Variants in ADAM32 observed in about 807,000 individuals in gnomAD.
ADAM32 encodes the protein ADAM metallopeptidase domain 32.
Under a neutral mutation model 114.9 loss-of-function variants are expected in ADAM32, and 89 were observed. That is an observed-to-expected ratio of 0.77 (90% confidence interval 0.65 to 0.92). ADAM32 has a LOEUF of 0.92. ADAM32 is among the 40% of genes least tolerant of loss of function. ADAM32 has a pLI of 0.00. For missense variants in ADAM32, 870 were observed against 932.8 expected (o/e 0.93, Z 0.88); for synonymous variants, 285 against 307.5 (o/e 0.93, Z 0.77).
Position 39,176,526 on chromosome 8 carries a change from T to C in ADAM32, c.915+6529T>C, listed in dbSNP as rs374003905. Among the ~76,000 whole-genome samples the C allele has an allele frequency of 2.4e-4, 37 of 152,362 alleles. 2 individuals carry two copies. The South Asian group carries it at 6.6e-3, about 27-fold the overall frequency. On this transcript the variant is annotated intron_variant, in intron 10 of 24. Transcript: ENST00000379907. ...TGAGTTTCTGAATTTTGAGTTCTAATTTGATTGTGCTGTGGTTTGAGAGAC... is the reference window on the plus strand; with the variant it reads ...TGAGTTTCTGAATTTTGAGTTCTAACTTGATTGTGCTGTGGTTTGAGAGAC...
chr8:39,260,052 ATC>A (rs1365826017), intron 19 of ADAM32, among the ~76,000 whole-genome samples: 1 of 152,196 alleles, frequency 6.6e-6, no homozygotes, highest in Non-Finnish European at 1.5e-5. Context: ...AGGTTCAATT[ATC>A]TTTTTTCCCT....
intron 6 of ADAM32, among the ~76,000 whole-genome samples, chr8:39,160,356 C>T (rs989266419): frequency 3.3e-5 from 5 of 152,028 alleles, no homozygotes; most frequent in Non-Finnish European, 5.9e-5. Context: ...CTGGCTAACA[C>T]AGTGAAACTC....
chr8:39,108,012 C>T, intron 1 of ADAM32, 179 bp downstream of exon 1: 2 of 807,090 alleles, frequency 2.5e-6, no homozygotes, highest in East Asian at 3.1e-5. Flanking sequence ...GGCCCAGCAC[C>T]AGGGCTCACG....
intron 15 of ADAM32, 126 bp from the exon 16 acceptor site, chr8:39,233,773 A>G (rs1185788499): frequency 6.8e-6 from 4 of 592,260 alleles, no homozygotes; most frequent in Non-Finnish European, 1.0e-5. Context: ...TGAAAACATT[A>G]ACGTTTTCTG....
intron 11 of ADAM32, among the ~76,000 whole-genome samples, chr8:39,188,962 T>C (rs2129447303): frequency 1.3e-5 from 2 of 152,270 alleles, no homozygotes; most frequent in Middle Eastern, 3.4e-3. Flanking sequence ...CAATTTAATG[T>C]GTTTATTAAA....
rs1333862291 is a variant in ADAM32, at chr8:39,232,030, C to T, written c.1529C>T (p.Ser510Leu). ...AATGTATTTCTAACTTTAACAGGTT[C>T]AAGAAATGCTCCATTTGCCTGCTAT... ...ARCESVFGKG[S>L]RNAPFACYEE... The change falls in exon 15 of 25, where the codon TCA becomes TTA. Residue 510 changes from serine to leucine, a missense_variant. By Grantham distance (145) the Ser-to-Leu change is moderately radical (BLOSUM62 -2). Coordinates refer to ENST00000379907, the MANE Select transcript of ADAM32 (RefSeq NM_145004.7). 1 of 1,607,808 alleles carries T rather than the reference C, an allele frequency of 6.2e-7. No individual in the cohort carries two copies. The highest frequency in any genetic ancestry group is 1.7e-5 in the Admixed American group (1 of 59,232).
chr8:39,195,650 T>C (rs940211486), intron 11 of ADAM32, among the ~76,000 whole-genome samples: 2 of 149,406 alleles, frequency 1.3e-5, no homozygotes, highest in Admixed American at 6.7e-5. Flanking sequence ...CATATGGATA[T>C]CCAGTTATTC....
chr8:39,232,856 A>G (rs528295562), intron 15 of ADAM32, among the ~76,000 whole-genome samples: 7 of 152,288 alleles, frequency 4.6e-5, no homozygotes, highest in African/African-American at 1.7e-4. Context: ...CTCTGTAATG[A>G]TTTATTTCAC....
At chr8:39,253,509 G>C (rs1237537201) in intron 17 of ADAM32, among the ~76,000 whole-genome samples, 1 of 151,608 alleles carries the variant, frequency 6.6e-6, no homozygotes, top group Non-Finnish European at 1.5e-5. Context: ...TGCCATGATT[G>C]TATACACAGG....
At chr8:39,177,644 A>T (rs1445733575) in intron 10 of ADAM32, among the ~76,000 whole-genome samples, 2 of 152,112 alleles carry the variant, frequency 1.3e-5, no homozygotes, top group African/African-American at 4.8e-5. Context: ...GTAGTGGCTG[A>T]TAATTGTTTT....
At chr8:39,110,098 C>T (rs1053590058) in intron 1 of ADAM32, among the ~76,000 whole-genome samples, 1 of 151,982 alleles carries the variant, frequency 6.6e-6, no homozygotes, top group Admixed American at 6.6e-5. Flanking sequence ...GAGATGGTGT[C>T]TTACTCTGTC....
At position 39,284,896 on chromosome 8, in the gene ADAM32, A is replaced by G; in HGVS notation, c.*97A>G. 3 of 1,490,958 alleles carry G rather than the reference A, an allele frequency of 2.0e-6. No individual in the cohort carries two copies. Among genetic ancestry groups the G allele is most frequent in the South Asian group, 2.3e-5 (2 of 85,714 alleles). 92.4% of individuals were successfully genotyped at this position (1,490,958 alleles called of 1,614,324 possible). A position where few individuals can be genotyped will look rare whatever the true frequency, so the allele number is the denominator to read the frequency against. ...TGGTCACAGCTGAAAGAAACAATAA[A>G]TTGAGTGTGGATCAATTTGCATGCC... On this transcript the variant is annotated 3_prime_UTR_variant, in exon 25 of 25. Transcript: ENST00000379907.
At chr8:39,279,613 T>C (rs1025815816) in intron 22 of ADAM32, among the ~76,000 whole-genome samples, 16 of 152,194 alleles carry the variant, frequency 1.1e-4, no homozygotes, top group African/African-American at 3.1e-4. Context: ...GGGTTCTTCA[T>C]GTATTACATC....
chr8:39,205,892 G>C lies in ADAM32; in HGVS notation c.1053-5252G>C, dbSNP rs143335160. Among the ~76,000 whole-genome samples, 469 of 151,618 alleles carry C rather than the reference G, an allele frequency of 3.1e-3. 7 individuals are homozygous for C. The highest frequency in any genetic ancestry group is 0.012 in the East Asian group (64 of 5,152). On this transcript the variant is annotated intron_variant, in intron 11 of 24. Transcript: ENST00000379907. ...GTTTCATAGATTTCTTTTTGTTTTG[G>C]CTCTGTTACTGCATAATTTTTGTAT...
chr8:39,196,952 CA>C lies in ADAM32; in HGVS notation c.1052+9908del, dbSNP rs548961717. Among the ~76,000 whole-genome samples the C allele has an allele frequency of 1.2e-3, 177 of 152,164 alleles. 1 individual carries two copies. Among genetic ancestry groups the C allele is most frequent in the African/African-American group, 4.1e-3 (169 of 41,556 alleles). On this transcript the variant is annotated intron_variant, in intron 11 of 24. Transcript: ENST00000379907. ...TCCTTATATGTTTGATAGAATTTAG[CA>C]GTAAAGTCATGTGGTTATGGGCTTT...
chr8:39,201,126 T>C (rs1168504483), intron 11 of ADAM32, among the ~76,000 whole-genome samples: 2 of 152,222 alleles, frequency 1.3e-5, no homozygotes, highest in Non-Finnish European at 2.9e-5. Flanking sequence ...TGGTTCCATA[T>C]GAACTTTAAA....
chr8:39,261,925 G>C (rs1812055327), intron 19 of ADAM32, among the ~76,000 whole-genome samples: 1 of 152,010 alleles, frequency 6.6e-6, no homozygotes, highest in Admixed American at 6.6e-5. Context: ...TGAGATAGTT[G>C]AAATCATTGT....
intron 11 of ADAM32, among the ~76,000 whole-genome samples, chr8:39,209,031 A>G (rs534819504): frequency 1.3e-5 from 2 of 151,736 alleles, no homozygotes; most frequent in East Asian, 1.9e-4. Flanking sequence ...TACATTTGCT[A>G]TCTCACTGAT....
chr8:39,139,788 G>A (rs937239864), intron 3 of ADAM32, among the ~76,000 whole-genome samples: 4 of 152,092 alleles, frequency 2.6e-5, no homozygotes, highest in Non-Finnish European at 4.4e-5. Context: ...TCATGATATT[G>A]ATTCTTCCTA....
Sources: allele counts gnomAD v4.1 joint callset (sites outside exome capture counted in the v4.1 genomes callset), GRCh38; gene constraint gnomAD v4.1.1; transcripts MANE v1.5; gene names NCBI Gene and HGNC (gene_info 2026-07-23, HGNC 2026-07-21).